The following FBN1 variants were observed in gnomAD, a reference collection of about 807,000 sequenced individuals.
The protein encoded by FBN1 is fibrillin-1.
A neutral mutation model predicts 365.1 loss-of-function variants in FBN1; 29 were observed. The observed-to-expected ratio is 0.08, with a 90% CI of 0.06 to 0.11. The LOEUF is 0.11. FBN1 is among the 10% of genes least tolerant of loss of function. The pLI, the probability that FBN1 is intolerant of heterozygous loss-of-function variation, is 1.00. For missense variants in FBN1, 2,476 were observed against 3,703.2 expected, an observed-to-expected ratio of 0.67 and a Z score of 8.60; for synonymous variants, 1,210 against 1,270.5, an observed-to-expected ratio of 0.95 and a Z score of 1.01.
Position 48,411,298 on chromosome 15 carries a change from G to C in FBN1, c.8308C>G (p.His2770Asp). The change falls in exon 66 of 66, where the codon CAC (histidine) becomes GAC (aspartate). Residue 2770 changes from histidine (H) to aspartate (D), a missense_variant. His to Asp is a moderately conservative substitution (Grantham distance 81, BLOSUM62 -1). Around this residue, in one of 5 missense-constraint regions of FBN1, gnomAD observed 177 missense variants for 192.7 expected, o/e 0.92. Coordinates refer to ENST00000316623, the MANE Select transcript of FBN1 (RefSeq NM_000138.5). ...KTAIFAFNIS[H>D]VSNKVRILEL... ...AGGATTCGAACCTTGTTACTGACGTGGGAAATATTGAAAGCAAAGATGGCT... is the reference window on the plus strand; with the variant it reads ...AGGATTCGAACCTTGTTACTGACGTCGGAAATATTGAAAGCAAAGATGGCT... The C allele has an allele frequency of 6.2e-7, 1 of 1,614,030 alleles. No homozygotes were observed. The highest frequency in any genetic ancestry group is 1.7e-5 in the Admixed American group (1 of 60,012).
At chr15:48,545,858 C>CA (rs2044089667) in intron 6 of FBN1, among the ~76,000 whole-genome samples, 1 of 151,922 alleles carries the variant, frequency 6.6e-6, no homozygotes, top group Non-Finnish European at 1.5e-5. Flanking sequence ...CCCATCTTTA[C>CA]AAAAAATACA....
At chr15:48,422,216 C>T (rs2042949465) in intron 60 of FBN1, 148 bp from the exon 61 acceptor site, 1 of 691,074 alleles carries the variant, frequency 1.4e-6, no homozygotes, top group Non-Finnish European at 2.6e-6. Flanking sequence ...AGGAGAGACA[C>T]AGGGGGTAAA....
rs2141226433 is a variant in FBN1 at position 48,425,456 on chromosome 15, T to G, written c.7366A>C (p.Asn2456His). 1.2e-6 allele frequency: 2 copies of G among 1,614,144 alleles called. No homozygotes were observed. The highest frequency in any genetic ancestry group is 8.5e-7 in the Non-Finnish European group (1 of 1,180,008). The change falls in exon 60 of 66, where the codon AAT becomes CAT. Residue 2456 changes from asparagine (N) to histidine (H), a missense_variant. Asn to His is a moderately conservative substitution (Grantham distance 68). Coordinates refer to ENST00000316623, the MANE Select transcript of FBN1 (RefSeq NM_000138.5). ...NECNQAPKPC[N>H]FICKNTEGSY... ...CCTTCTGTGTTTTTGCAGATAAAAT[T>G]GCAGGGTTTGGGAGCCTGGTTGCAC...
At chr15:48,447,388 T>C (rs1205384008) in intron 46 of FBN1, among the ~76,000 whole-genome samples, 1 of 152,188 alleles carries the variant, frequency 6.6e-6, no homozygotes, top group Non-Finnish European at 1.5e-5. Context: ...CTCTCACTTT[T>C]CTAAACTACC....
chr15:48,583,510 T>G (rs2140690930), intron 6 of FBN1, among the ~76,000 whole-genome samples: 1 of 152,350 alleles, frequency 6.6e-6, no homozygotes, highest in East Asian at 1.9e-4. Context: ...ACTGTATACT[T>G]TACAGAGATG....
intron 6 of FBN1, among the ~76,000 whole-genome samples, chr15:48,580,632 A>T (rs915700954): frequency 3.9e-5 from 6 of 152,200 alleles, no homozygotes; most frequent in African/African-American, 1.4e-4. Context: ...GTGATGCTAG[A>T]CTATGCCAAA....
At chr15:48,457,088 G>T (rs2043246553) in intron 43 of FBN1, among the ~76,000 whole-genome samples, 1 of 152,074 alleles carries the variant, frequency 6.6e-6, no homozygotes, top group Non-Finnish European at 1.5e-5. Context: ...ATGGTCAAGG[G>T]TAAACAGCCT....
chr15:48,574,324 A>C (rs1392937184), intron 6 of FBN1, among the ~76,000 whole-genome samples: 1 of 152,198 alleles, frequency 6.6e-6, no homozygotes, highest in Non-Finnish European at 1.5e-5. Flanking sequence ...TCATCTGACA[A>C]ATCAGTAAGA....
At chr15:48,548,970 A>T (rs2044119798) in intron 6 of FBN1, among the ~76,000 whole-genome samples, 1 of 152,256 alleles carries the variant, frequency 6.6e-6, no homozygotes, top group Non-Finnish European at 1.5e-5. Flanking sequence ...ATAATTTAAA[A>T]TACATCATAT....
At position 48,644,310 on chromosome 15, in the gene FBN1, C is replaced by T. The variant is rs983591061; in HGVS notation, c.164+296G>A. The T allele has an allele frequency of 1.3e-5, 6 of 460,344 alleles. No homozygotes were observed. The South Asian group carries it at 1.5e-4, about 12-fold the overall frequency. The allele number at this position is 460,344 out of a possible 1,614,324, so 28.5% of individuals were successfully genotyped here. ...AAGGAACGGGCTTCTCCTCTTATCC[C>T]ACTCGCAACTCCTCCCCTTCTTCCC... On this transcript the variant is annotated intron_variant, in intron 2 of 65. Transcript: ENST00000316623.
Position 48,520,805 on chromosome 15 carries a change from C to A in FBN1, c.1001G>T (p.Gly334Val), listed in dbSNP as rs1424049170. 1.2e-6 allele frequency: 2 copies of A among 1,614,124 alleles called. No homozygotes were observed. The highest frequency in any genetic ancestry group is 1.1e-5 in the South Asian group (1 of 91,076). The part of the protein sequence containing the change: ...DGTRCIDVRP[G>V]YCYTALTNGR... ...GTTTGTCAGAGCTGTGTAACAGTAT[C>A]CTGGGCGAACATCTGAGGACAAAGA... The change falls in exon 10 of 66, where the codon GGA (glycine) becomes GTA (valine). Residue 334 changes from glycine (G) to valine (V), a missense_variant. Gly to Val is a moderately radical substitution (Grantham distance 109). Coordinates refer to ENST00000316623, the MANE Select transcript of FBN1 (RefSeq NM_000138.5).
chr15:48,477,916 A>G (rs1645339166), intron 32 of FBN1, among the ~76,000 whole-genome samples: 1 of 152,202 alleles, frequency 6.6e-6, no homozygotes, highest in African/African-American at 2.4e-5. Context: ...GTGTGGTGTG[A>G]GCAGACCCTG....
intron 29 of FBN1, 126 bp downstream of exon 29, chr15:48,486,949 C>A: frequency 2.7e-6 from 2 of 741,242 alleles, no homozygotes; most frequent in Non-Finnish European, 1.9e-6. Context: ...GCGATGAAAA[C>A]AAAACTCAGA....
At chr15:48,636,455 T>C (rs16961282) in intron 2 of FBN1, among the ~76,000 whole-genome samples, 17,146 of 152,088 alleles carry the variant, frequency 0.11, 2,921 homozygotes, top group African/African-American at 0.37. Flanking sequence ...CAGGAGGCTG[T>C]TGTTCAAGAT....
In FBN1 at chr15:48,414,961, T is replaced by C. The variant is rs115852492; in HGVS notation, c.8051+575A>G. 3.6e-3 allele frequency among the ~76,000 whole-genome samples: 547 copies of C among 151,624 alleles called. 1 individual carries two copies. The highest frequency in any genetic ancestry group is 0.013 in the African/African-American group (531 of 41,346). On this transcript the variant is annotated intron_variant, in intron 64 of 65. Coordinates refer to ENST00000316623, the MANE Select transcript of FBN1 (RefSeq NM_000138.5). ...CAGACACACCTATAATTTGGTGAAG[T>C]GTTTTTTTTGTTTTTCTTTTTTTAA...
rs2042989668 is a variant in FBN1, at chr15:48,427,789, T to C, written c.6998-16A>G. On this transcript the variant is annotated splice_polypyrimidine_tract_variant and intron_variant, in intron 57 of 65. Transcript: ENST00000316623. ...TCCCGATTGTCTGGAAGGGACATTATATGGCAAAGGGGATGTCAGGAAATT... is the reference window on the plus strand; with the variant it reads ...TCCCGATTGTCTGGAAGGGACATTACATGGCAAAGGGGATGTCAGGAAATT... The C allele has an allele frequency of 1.9e-6, 3 of 1,610,456 alleles. No homozygotes were observed. The highest frequency in any genetic ancestry group is 1.1e-5 in the South Asian group (1 of 90,852).
intron 4 of FBN1, among the ~76,000 whole-genome samples, chr15:48,610,103 A>G (rs1360569907): frequency 6.6e-6 from 1 of 152,210 alleles, no homozygotes; most frequent in African/African-American, 2.4e-5. Context: ...CAGCTTTTTA[A>G]ACAACCAATT....
rs537942909 is a variant in FBN1 at position 48,537,466 on chromosome 15, T to C, written c.736+145A>G. On this transcript the variant is annotated intron_variant, in intron 7 of 65. Transcript: ENST00000316623. ...GCTCTCTCGAGAGCCACGTTCCTAA[T>C]GCCTTAGTTGGATATCATGCAGTCA... 3.4e-4 allele frequency: 311 copies of C among 927,914 alleles called. 1 individual carries two copies. The highest frequency in any genetic ancestry group is 4.5e-4 in the Non-Finnish European group (267 of 596,774). The allele number at this position is 927,914 out of a possible 1,614,324, so 57.5% of individuals were successfully genotyped here.
intron 6 of FBN1, among the ~76,000 whole-genome samples, chr15:48,594,932 A>T (rs1380499186): frequency 6.6e-6 from 1 of 152,222 alleles, no homozygotes; most frequent in Non-Finnish European, 1.5e-5. Flanking sequence ...CCTAGAAGAA[A>T]TAGTTTTTAG....
Sources: gnomAD v4.1 joint callset for allele counts (sites outside exome capture counted in the v4.1 genomes callset) on GRCh38, gnomAD v4.1.1 for gene constraint, gnomAD v4.1.1 regional missense constraint, MANE v1.5 for transcripts, NCBI Gene and HGNC (gene_info 2026-07-23, HGNC 2026-07-21) for gene names.